Variants in FBN1 observed in about 807,000 individuals in gnomAD.
FBN1 encodes the protein fibrillin 1, also known as fibrillin-1.
FBN1 carries 29 observed loss-of-function variants against 365.1 expected under a neutral mutation model. That is an observed-to-expected ratio of 0.08 (90% CI 0.06 to 0.11). The LOEUF (loss-of-function observed/expected upper bound fraction) is 0.11, where lower values mean the gene tolerates loss of function less well. FBN1 is among the 10% of genes least tolerant of loss of function. The pLI is 1.00. For missense variants in FBN1, 2,476 were observed against 3,703.2 expected (o/e 0.67, Z 8.60); for synonymous variants, 1,210 against 1,270.5 (o/e 0.95, Z 1.01).
intron 45 of FBN1, among the ~76,000 whole-genome samples, chr15:48,450,265 C>T (rs1401837952): frequency 1.3e-5 from 2 of 152,038 alleles, no homozygotes; most frequent in Non-Finnish European, 2.9e-5. Flanking sequence ...ATGCAGGGGA[C>T]GAGGTCTGTC....
At chr15:48,547,473 T>A (rs112674013) in intron 6 of FBN1, among the ~76,000 whole-genome samples, 1 of 152,162 alleles carries the variant, frequency 6.6e-6, no homozygotes, top group Non-Finnish European at 1.5e-5. Context: ...TCACATTCCA[T>A]GATAGCATCA....
At chr15:48,444,457 A>G in intron 49 of FBN1, 84 bp downstream of exon 49, 2 of 1,503,312 alleles carry the variant, frequency 1.3e-6, no homozygotes, top group East Asian at 2.3e-5. Flanking sequence ...TCCAAAATGA[A>G]GACGTCATTA....
At chr15:48,513,831 T>C (rs569727482) in intron 12 of FBN1, among the ~76,000 whole-genome samples, 163 bp from the exon 13 acceptor site, 1 of 152,230 alleles carries the variant, frequency 6.6e-6, no homozygotes, top group Non-Finnish European at 1.5e-5. Context: ...CATTAGCCAT[T>C]TGAAGACTGG....
chr15:48,541,872 A>G (rs577106912), intron 6 of FBN1, among the ~76,000 whole-genome samples: 11 of 152,138 alleles, frequency 7.2e-5, no homozygotes, highest in African/African-American at 2.7e-4. Context: ...AATGCTTTCT[A>G]TTTGCAAATT....
At chr15:48,561,518 A>G (rs1176817179) in intron 6 of FBN1, among the ~76,000 whole-genome samples, 1 of 152,176 alleles carries the variant, frequency 6.6e-6, no homozygotes, top group African/African-American at 2.4e-5. Flanking sequence ...CACCCTGAAT[A>G]TTCATCCAGC....
At chr15:48,637,593 C>T (rs1170063635) in intron 2 of FBN1, among the ~76,000 whole-genome samples, 1 of 152,220 alleles carries the variant, frequency 6.6e-6, no homozygotes, top group African/African-American at 2.4e-5. Context: ...TTTCACTCAT[C>T]TTTCCTTTAT....
rs1232504605 is a variant in FBN1, at chr15:48,418,201, T to C, written c.7820-2434A>G. On this transcript the variant is annotated intron_variant, in intron 63 of 65. Transcript: ENST00000316623. ...TATCTTGGGAGAAAGTGGGCACCCT[T>C]CAAGGTGGTATTTAAGCCAAACTGG... Among the ~76,000 whole-genome samples, 3 of 152,296 alleles carry C rather than the reference T, an allele frequency of 2.0e-5. No homozygotes were observed. In the East Asian group the frequency reaches 5.8e-4, roughly 29 times the overall value.
chr15:48,592,549 AGC>A (rs2044485750), intron 6 of FBN1, among the ~76,000 whole-genome samples: 1 of 152,270 alleles, frequency 6.6e-6, no homozygotes, highest in South Asian at 2.1e-4. Flanking sequence ...TGTACCACTG[AGC>A]TAAGAAGTGA....
rs1555405526 is a variant in FBN1 at position 48,610,738 on chromosome 15, G to A, written c.336C>T (p.Gly112=). 1.2e-6 allele frequency: 2 copies of A among 1,612,636 alleles called. No individual in the cohort carries two copies. The highest frequency in any genetic ancestry group is 1.3e-5 in the African/African-American group (1 of 75,002). Residue 112 remains glycine, a synonymous_variant, in exon 4 of 66, where the codon GGC becomes GGT. Transcript: ENST00000316623. Reference sequence around the variant, plus strand: ...ACATGTTAGACTTACTGGATCTGGAGCCACAGGAAGGAGCTATCTGACCAG... The same window carrying A: ...ACATGTTAGACTTACTGGATCTGGAACCACAGGAAGGAGCTATCTGACCAG... ...CPSGQIAPSC[G]SRSIQHCNIR...
At chr15:48,475,442 C>A (rs540321134) in intron 32 of FBN1, among the ~76,000 whole-genome samples, 3 of 152,308 alleles carry the variant, frequency 2.0e-5, no homozygotes, top group African/African-American at 2.4e-5. Flanking sequence ...CCAAGATAGA[C>A]TCTCTAACAT....
At chr15:48,428,985 T>C (rs967297499) in intron 56 of FBN1, among the ~76,000 whole-genome samples, 23 of 152,232 alleles carry the variant, frequency 1.5e-4, no homozygotes, top group African/African-American at 5.5e-4. Flanking sequence ...AGCTGGATTA[T>C]GCATATAAAA....
At position 48,485,431 on chromosome 15, in the gene FBN1, A is replaced by G; in HGVS notation, c.3655T>C (p.Tyr1219His). 6.2e-7 allele frequency: 1 copy of G among 1,614,208 alleles called. No homozygotes were observed. Among genetic ancestry groups the G allele is most frequent in the Non-Finnish European group, 8.5e-7 (1 of 1,180,020 alleles). Reference protein sequence around the residue: ...ETFCTNSEGSYECSCQPGFAL... With the variant: ...ETFCTNSEGSHECSCQPGFAL... ...AATCCCGGCTGACAGCTACATTCAT[A>G]GCTGCCTTCAGAGTTTGTGCAGAAG... Residue 1219 changes from tyrosine (Y) to histidine (H), a missense_variant, in exon 30 of 66, where the codon TAT becomes CAT. Physicochemically the swap from Tyr to His is moderately conservative, Grantham distance 83. Coordinates refer to ENST00000316623, the MANE Select transcript of FBN1 (RefSeq NM_000138.5).
At chr15:48,427,218 T>C (rs2042984935) in intron 58 of FBN1, among the ~76,000 whole-genome samples, 1 of 152,238 alleles carries the variant, frequency 6.6e-6, no homozygotes, top group African/African-American at 2.4e-5. Context: ...CACATCTTGG[T>C]GGACTGGTTT....
At chr15:48,567,829 C>T (rs1049363487) in intron 6 of FBN1, among the ~76,000 whole-genome samples, 1 of 151,852 alleles carries the variant, frequency 6.6e-6, no homozygotes, top group South Asian at 2.1e-4. Context: ...TGAAGGGTAC[C>T]TACGAAAAAC....
At chr15:48,578,239 G>T (rs991247123) in intron 6 of FBN1, among the ~76,000 whole-genome samples, 4 of 152,144 alleles carry the variant, frequency 2.6e-5, no homozygotes, top group African/African-American at 4.8e-5. Flanking sequence ...AATCAAATCT[G>T]CATGGGAAGA....
intron 2 of FBN1, among the ~76,000 whole-genome samples, chr15:48,620,647 AT>A (rs1204577368): frequency 6.6e-6 from 1 of 152,110 alleles, no homozygotes; most frequent in Non-Finnish European, 1.5e-5. Context: ...TCTAATGATC[AT>A]TTTTGATAGA....
chr15:48,461,041 A>C (rs79343397), intron 42 of FBN1, among the ~76,000 whole-genome samples: 3,483 of 152,272 alleles, frequency 0.023, 67 homozygotes, highest in East Asian at 0.084. Context: ...TCAGATGGCC[A>C]TTGCCTTATT....
rs185974509 is a variant in FBN1, at chr15:48,568,778, T to C, written c.538+27505A>G. Among the ~76,000 whole-genome samples the C allele has an allele frequency of 2.1e-4, 32 of 152,156 alleles. No homozygotes were observed. The East Asian group carries it at 6.0e-3, about 28-fold the overall frequency. ...TTTCAACAAATAGTACTAGTAACATTGGATATGGATATGTACATGCAAAAC... is the reference window on the plus strand; with the variant it reads ...TTTCAACAAATAGTACTAGTAACATCGGATATGGATATGTACATGCAAAAC... On this transcript the variant is annotated intron_variant, in intron 6 of 65. Coordinates refer to ENST00000316623, the MANE Select transcript of FBN1 (RefSeq NM_000138.5).
At position 48,492,500 on chromosome 15, in the gene FBN1, T is replaced by C; in HGVS notation, c.2815A>G (p.Ser939Gly). 1.2e-6 allele frequency: 2 copies of C among 1,613,628 alleles called. No homozygotes were observed. Among genetic ancestry groups the C allele is most frequent in the Non-Finnish European group, 1.7e-6 (2 of 1,179,596 alleles). Reference sequence around the variant, plus strand: ...CCTGTGGCATCCAAAGTCATTCCACTGGGACACTGACACTTGAATGACCCC... The same window carrying C: ...CCTGTGGCATCCAAAGTCATTCCACCGGGACACTGACACTTGAATGACCCC... ...TRGSFKCQCP[S>G]GMTLDATGRI... The change falls in exon 24 of 66, where the codon AGT becomes GGT. Residue 939 changes from serine to glycine, a missense_variant. By Grantham distance (56) the Ser-to-Gly change is moderately conservative (BLOSUM62 0). This residue lies in a region of FBN1 where 1,780 missense variants were observed against 2,840.8 expected (regional missense o/e 0.63). Coordinates refer to ENST00000316623, the MANE Select transcript of FBN1 (RefSeq NM_000138.5).
Sources: gnomAD v4.1 joint callset for allele counts (sites outside exome capture counted in the v4.1 genomes callset) on GRCh38, gnomAD v4.1.1 for gene constraint, gnomAD v4.1.1 regional missense constraint, MANE v1.5 for transcripts, NCBI Gene and HGNC (gene_info 2026-07-23, HGNC 2026-07-21) for gene names.